Variants in COL22A1 observed in about 807,000 individuals in gnomAD.
The protein encoded by COL22A1 is collagen type XXII alpha 1 chain, also known as collagen alpha-1(XXII) chain.
Under a neutral mutation model 248.9 loss-of-function variants are expected in COL22A1, and 221 were observed. The observed-to-expected ratio is 0.89, with a 90% CI of 0.80 to 0.99. COL22A1 has a LOEUF of 0.99. COL22A1 is among the 50% of genes least tolerant of loss of function. COL22A1 has a pLI of 0.00. For missense variants in COL22A1, 2,240 were observed against 2,179.0 expected, an observed-to-expected ratio of 1.03 and a Z score of -0.56; for synonymous variants, 891 against 793.4, an observed-to-expected ratio of 1.12 and a Z score of -2.07.
Position 138,693,672 on chromosome 8 carries a change from C to A in COL22A1, c.2728G>T (p.Gly910Trp). ...PGAKGQEGAH[G>W]APGAAGNPGA... ...GGGTTTCCAGCTGCTCCAGGAGCCC[C>A]ATGTGCACCTTCCTGTCCCTTGGCA... The change falls in exon 35 of 65, where the codon GGG becomes TGG. Residue 910 changes from glycine to tryptophan, a missense_variant. By Grantham distance (184) the Gly-to-Trp change is radical. Coordinates refer to ENST00000303045, the MANE Select transcript of COL22A1 (RefSeq NM_152888.3). 6.3e-7 allele frequency: 1 copy of A among 1,585,528 alleles called. No homozygotes were observed. Among genetic ancestry groups the A allele is most frequent in the East Asian group, 2.3e-5 (1 of 42,994 alleles).
Position 138,630,713 on chromosome 8 carries a change from T to C in COL22A1, c.3645A>G (p.Pro1215=), listed in dbSNP as rs1296461487. 1 of 1,613,930 alleles carries C rather than the reference T, an allele frequency of 6.2e-7. No homozygotes were observed. Among genetic ancestry groups the C allele is most frequent in the Non-Finnish European group, 8.5e-7 (1 of 1,179,860 alleles). The change falls in exon 50 of 65, where the codon CCA becomes CCG. Residue 1215 remains proline (P), a synonymous_variant. Coordinates refer to ENST00000303045, the MANE Select transcript of COL22A1 (RefSeq NM_152888.3). The stretch of plus-strand genomic sequence containing the variant: ...AACTTACAGGTGACCCTTGGATTCC[T>C]GGTGGTCCAGCAGCTCCTGCAATTC... The part of the protein sequence containing the change: ...ADGIAGAAGP[P]GIQGSPGKEG...
chr8:138,799,885 T>C (rs769746030), intron 11 of COL22A1, among the ~76,000 whole-genome samples: 2 of 152,210 alleles, frequency 1.3e-5, no homozygotes, highest in Non-Finnish European at 2.9e-5. Context: ...CCTGGTTCTT[T>C]CTGGTAAACT....
chr8:138,595,121 C>T (rs920997815), intron 62 of COL22A1, among the ~76,000 whole-genome samples: 10 of 152,210 alleles, frequency 6.6e-5, no homozygotes, highest in Middle Eastern at 3.4e-3. Context: ...CTACCCAAGG[C>T]CCCCGGCGTT....
At chr8:138,637,765 G>T (rs1821318392) in intron 47 of COL22A1, among the ~76,000 whole-genome samples, 1 of 152,096 alleles carries the variant, frequency 6.6e-6, no homozygotes, top group Non-Finnish European at 1.5e-5. Context: ...CAGGTTGTGT[G>T]TTAGCTCTCA....
chr8:138,857,204 C>T (rs1461684855), intron 3 of COL22A1, among the ~76,000 whole-genome samples: 6 of 152,108 alleles, frequency 3.9e-5, no homozygotes, highest in South Asian at 2.1e-4. Context: ...TCCTGTCCTG[C>T]GTACCTCCTG....
At chr8:138,758,979 A>C (rs938564772) in intron 18 of COL22A1, among the ~76,000 whole-genome samples, 1 of 152,198 alleles carries the variant, frequency 6.6e-6, no homozygotes, top group Non-Finnish European at 1.5e-5. Context: ...CCTCTTTGTG[A>C]CTTGAAATAA....
At chr8:138,772,030 A>G (rs1834409312) in intron 16 of COL22A1, among the ~76,000 whole-genome samples, 1 of 152,210 alleles carries the variant, frequency 6.6e-6, no homozygotes, top group Non-Finnish European at 1.5e-5. Flanking sequence ...GAGGTGGTCC[A>G]GGCAGCTTCC....
chr8:138,660,995 T>TACAC (rs879352221), intron 43 of COL22A1, among the ~76,000 whole-genome samples: 1 of 84,978 alleles, frequency 1.2e-5, no homozygotes, highest in Non-Finnish European at 2.7e-5. Context: ...CATACACACA[T>TACAC]ACACATACAC....
At chr8:138,711,583 G>C (rs1828968741) in intron 30 of COL22A1, among the ~76,000 whole-genome samples, 1 of 152,150 alleles carries the variant, frequency 6.6e-6, no homozygotes, top group African/African-American at 2.4e-5. Context: ...GGCCTGAATG[G>C]CTTACTGAGG....
intron 30 of COL22A1, among the ~76,000 whole-genome samples, chr8:138,707,921 A>C (rs1489946451): frequency 6.6e-6 from 1 of 152,228 alleles, no homozygotes; most frequent in Non-Finnish European, 1.5e-5. Flanking sequence ...TTAAGCTGAG[A>C]AGCAACTTCA....
chr8:138,877,677 G>C (rs564854460), intron 3 of COL22A1, 73 bp downstream of exon 3: 1 of 1,431,994 alleles, frequency 7.0e-7, no homozygotes, highest in Non-Finnish European at 9.4e-7. Flanking sequence ...CTATCTGCCC[G>C]AGGACCCCTC....
At chr8:138,605,999 T>C (rs1341752034) in intron 58 of COL22A1, among the ~76,000 whole-genome samples, 1 of 152,298 alleles carries the variant, frequency 6.6e-6, no homozygotes, top group African/African-American at 2.4e-5. Context: ...ACATGCATCA[T>C]TACAATGGTT....
intron 1 of COL22A1, among the ~76,000 whole-genome samples, chr8:138,913,296 C>G (rs1462671491): frequency 6.6e-6 from 1 of 151,994 alleles, no homozygotes; most frequent in East Asian, 1.9e-4. Flanking sequence ...TGAAAACAAG[C>G]TCTCGCATTT....
intron 43 of COL22A1, 48 bp from the exon 44 acceptor site, chr8:138,660,528 C>T: frequency 6.5e-7 from 1 of 1,540,818 alleles, no homozygotes; most frequent in Non-Finnish European, 9.0e-7. Flanking sequence ...GCACACGATC[C>T]TGACCCACTC....
At chr8:138,869,195 C>T (rs1823130034) in intron 3 of COL22A1, among the ~76,000 whole-genome samples, 1 of 152,196 alleles carries the variant, frequency 6.6e-6, no homozygotes, top group South Asian at 2.1e-4. Context: ...CTACTTTGAC[C>T]ATGCAAACCT....
At chr8:138,724,187 G>T (rs574121283) in intron 25 of COL22A1, among the ~76,000 whole-genome samples, 1 of 152,270 alleles carries the variant, frequency 6.6e-6, no homozygotes, top group South Asian at 2.1e-4. Flanking sequence ...AGATCCCCCA[G>T]GTCTCTCAGT....
chr8:138,725,204 G>T (rs1830203309), intron 24 of COL22A1, among the ~76,000 whole-genome samples, 183 bp downstream of exon 24: 1 of 152,208 alleles, frequency 6.6e-6, no homozygotes, highest in Admixed American at 6.5e-5. Flanking sequence ...CTAACCTAAG[G>T]GTTCCGAAGG....
At chr8:138,762,894 A>G (rs546732459) in intron 16 of COL22A1, among the ~76,000 whole-genome samples, 5 of 152,182 alleles carry the variant, frequency 3.3e-5, no homozygotes, top group Admixed American at 6.5e-5. Context: ...CCAGCACTCA[A>G]CATAGACTTC....
chr8:138,647,065 C>A (rs1822264871), intron 46 of COL22A1, among the ~76,000 whole-genome samples: 1 of 152,210 alleles, frequency 6.6e-6, no homozygotes. Context: ...AGATGGCTCA[C>A]TCCCACCTTG....
Sources: allele counts gnomAD v4.1 joint callset (sites outside exome capture counted in the v4.1 genomes callset), GRCh38; gene constraint gnomAD v4.1.1; transcripts MANE v1.5; gene names NCBI Gene and HGNC (gene_info 2026-07-23, HGNC 2026-07-21).